FARSB: variants seen among roughly 807,000 people sequenced by gnomAD.
FARSB encodes phenylalanyl-tRNA synthetase subunit beta, also known as phenylalanine--tRNA ligase beta subunit.
In FARSB, 40 loss-of-function variants were observed where a neutral mutation model predicts 69.6. The observed-to-expected ratio is 0.57, with a 90% confidence interval of 0.45 to 0.75. The LOEUF (loss-of-function observed/expected upper bound fraction) is 0.75. Among genes scored for constraint, FARSB ranks in the 30% least tolerant of loss-of-function variants. The pLI, the probability that FARSB is intolerant of heterozygous loss-of-function variation, is 0.00. For synonymous variants in FARSB, 235 were observed against 247.2 expected (o/e 0.95, Z 0.46); for missense variants, 632 against 722.9 (o/e 0.87, Z 1.44).
In FARSB at chr2:222,571,568, G is replaced by A. The variant is rs929805887; in HGVS notation, c.*303C>T. On this transcript the variant is annotated 3_prime_UTR_variant, in exon 17 of 17. Transcript: ENST00000281828. ...GTAATCCGTTCCAATGTGATGTTCT[G>A]ATGTCTGAGGAGCACGTCTGCCTTT... 9.0e-6 allele frequency: 2 copies of A among 223,248 alleles called. No individual in the cohort carries two copies. The highest frequency in any genetic ancestry group is 2.0e-4 in the East Asian group (2 of 10,004). 13.8% of individuals were successfully genotyped at this position (223,248 alleles called of 1,614,324 possible). A position where few individuals can be genotyped will look rare whatever the true frequency, so the allele number is the denominator to read the frequency against.
intron 16 of FARSB, among the ~76,000 whole-genome samples, chr2:222,582,864 G>A (rs1277232828): frequency 6.6e-6 from 1 of 151,754 alleles, no homozygotes; most frequent in Admixed American, 6.6e-5. Flanking sequence ...GGCAGAGGTT[G>A]CAGTGAGCCG....
At chr2:222,591,721 A>G (rs1273231514) in intron 16 of FARSB, among the ~76,000 whole-genome samples, 8 of 152,162 alleles carry the variant, frequency 5.3e-5, no homozygotes, top group Non-Finnish European at 1.0e-4. Context: ...TATCAGTGGG[A>G]GCCAAGAAGA....
At position 222,570,410 on chromosome 2, in the gene FARSB, T is replaced by TTA. The variant is rs1689696335; in HGVS notation, c.*1459_*1460dup. 3 of 152,208 alleles carry TTA rather than the reference T, an allele frequency of 2.0e-5. No homozygotes were observed. Among genetic ancestry groups the TTA allele is most frequent in the Admixed American group, 6.5e-5 (1 of 15,282 alleles). The allele number at this position is 152,208 out of a possible 1,614,324, so 9.4% of individuals were successfully genotyped here. A position where few individuals can be genotyped will look rare whatever the true frequency, so the allele number is the denominator to read the frequency against. ...GTGTGTGTTCACAAATCTTACAGAG[T>TTA]TAGACACTGCTGCCCCAATTCAAGG... On this transcript the variant is annotated 3_prime_UTR_variant, in exon 17 of 17. Transcript: ENST00000281828.
At position 222,569,809 on chromosome 2, in the gene FARSB, A is replaced by G. The variant is rs949253268; in HGVS notation, c.*2062T>C. 1.3e-5 allele frequency: 2 copies of G among 152,150 alleles called. No individual in the cohort carries two copies. The highest frequency in any genetic ancestry group is 1.3e-4 in the Admixed American group (2 of 15,264). The allele number at this position is 152,150 out of a possible 1,614,324, so 9.4% of individuals were successfully genotyped here. A position where few individuals can be genotyped will look rare whatever the true frequency, so the allele number is the denominator to read the frequency against. On this transcript the variant is annotated 3_prime_UTR_variant, in exon 17 of 17. Transcript: ENST00000281828. Reference sequence around the variant, plus strand: ...GAGGATCAGTAGTTCATTCCTTCTTATTGCTGAGAAGTATTTCATAGTATG... The same window carrying G: ...GAGGATCAGTAGTTCATTCCTTCTTGTTGCTGAGAAGTATTTCATAGTATG...
At position 222,606,128 on chromosome 2, in the gene FARSB, G is replaced by A. The variant is rs190837561; in HGVS notation, c.1463-6045C>T. Among the ~76,000 whole-genome samples the A allele has an allele frequency of 5.3e-5, 8 of 151,996 alleles. No homozygotes were observed. The East Asian group carries it at 7.7e-4, about 15-fold the overall frequency. On this transcript the variant is annotated intron_variant, in intron 15 of 16. Transcript: ENST00000281828. ...ATTAGATTAACCTCATTATTTAGGCGCCCCCTCCCAACTCCACACTGATTG... is the reference window on the plus strand; with the variant it reads ...ATTAGATTAACCTCATTATTTAGGCACCCCCTCCCAACTCCACACTGATTG...
chr2:222,573,331 A>G (rs1450396256), intron 16 of FARSB, among the ~76,000 whole-genome samples: 1 of 152,156 alleles, frequency 6.6e-6, no homozygotes. Context: ...AAACTAAACA[A>G]TTCTGCCTCA....
chr2:222,580,919 A>G (rs1052973345), intron 16 of FARSB, among the ~76,000 whole-genome samples: 6 of 152,280 alleles, frequency 3.9e-5, no homozygotes, highest in Middle Eastern at 6.8e-3. Context: ...AAGTACAACT[A>G]TAACACAAAA....
intron 15 of FARSB, among the ~76,000 whole-genome samples, 162 bp downstream of exon 15, chr2:222,613,649 G>T (rs1690914716): frequency 6.6e-6 from 1 of 152,214 alleles, no homozygotes; most frequent in South Asian, 2.1e-4. Context: ...TAGTGGTATA[G>T]ATGAAAGAAG....
intron 16 of FARSB, among the ~76,000 whole-genome samples, chr2:222,584,128 T>C (rs1690043363): frequency 6.6e-6 from 1 of 152,168 alleles, no homozygotes; most frequent in African/African-American, 2.4e-5. Context: ...ATTATGGTTA[T>C]AGAGAATGAT....
At chr2:222,584,401 G>A (rs1479208265) in intron 16 of FARSB, among the ~76,000 whole-genome samples, 1 of 152,172 alleles carries the variant, frequency 6.6e-6, no homozygotes, top group Admixed American at 6.5e-5. Context: ...AATAGGAACA[G>A]CTCCAGTCTA....
At chr2:222,572,517 T>G (rs902138020) in intron 16 of FARSB, among the ~76,000 whole-genome samples, 1 of 152,162 alleles carries the variant, frequency 6.6e-6, no homozygotes, top group East Asian at 1.9e-4. Context: ...CTCACCTTAT[T>G]ACATAAAGAA....
intron 16 of FARSB, among the ~76,000 whole-genome samples, chr2:222,582,507 A>G (rs1356322016): frequency 2.0e-5 from 3 of 152,244 alleles, no homozygotes; most frequent in African/African-American, 7.2e-5. Context: ...TTTATAGCCT[A>G]TATTCTAAGT....
chr2:222,655,628 A>G (rs1692153911), intron 1 of FARSB, among the ~76,000 whole-genome samples: 1 of 152,036 alleles, frequency 6.6e-6, no homozygotes, highest in East Asian at 1.9e-4. Flanking sequence ...CGCTGCACAA[A>G]TCTCTCCTCC....
intron 2 of FARSB, chr2:222,644,556 C>T: frequency 2.2e-6 from 1 of 455,328 alleles, no homozygotes; most frequent in Non-Finnish European, 4.4e-6. Context: ...TGGCAGATCT[C>T]AGGAGGGACC....
At chr2:222,591,993 G>A (rs1402481427) in intron 16 of FARSB, among the ~76,000 whole-genome samples, 1 of 152,184 alleles carries the variant, frequency 6.6e-6, no homozygotes, top group African/African-American at 2.4e-5. Context: ...AAATAACTTA[G>A]AAGTTAGCTT....
intron 16 of FARSB, among the ~76,000 whole-genome samples, chr2:222,579,647 C>G (rs1689920506): frequency 6.6e-6 from 1 of 152,146 alleles, no homozygotes; most frequent in Non-Finnish European, 1.5e-5. Context: ...ACTCTTAAAA[C>G]TAGAAATGAC....
intron 15 of FARSB, 63 bp downstream of exon 15, chr2:222,613,748 G>A: frequency 2.8e-6 from 3 of 1,062,890 alleles, no homozygotes; most frequent in Non-Finnish European, 4.4e-6. Flanking sequence ...GTATAGTTAA[G>A]GTTTTCATAA....
chr2:222,603,038 A>T (rs1009310348), intron 15 of FARSB, among the ~76,000 whole-genome samples: 2 of 152,030 alleles, frequency 1.3e-5, no homozygotes, highest in Non-Finnish European at 2.9e-5. Context: ...ACTCATTTTT[A>T]AAAAGAAGTA....
chr2:222,638,705 G>A (rs77054650), intron 5 of FARSB, among the ~76,000 whole-genome samples: 1 of 151,962 alleles, frequency 6.6e-6, no homozygotes, highest in Non-Finnish European at 1.5e-5. Context: ...ACCCCTCCTA[G>A]GCTCTACAGT....
Sources: gnomAD v4.1 joint callset for allele counts (sites outside exome capture counted in the v4.1 genomes callset) on GRCh38, gnomAD v4.1.1 for gene constraint, MANE v1.5 for transcripts, NCBI Gene and HGNC (gene_info 2026-07-23, HGNC 2026-07-21) for gene names.